Variants in USP4 observed in about 807,000 individuals in gnomAD.
USP4 encodes the protein ubiquitin specific peptidase 4, also known as ubiquitin carboxyl-terminal hydrolase 4.
A neutral mutation model predicts 118.2 loss-of-function variants in USP4; 72 were observed. The observed-to-expected ratio is 0.61, with a 90% CI of 0.50 to 0.74. The LOEUF (loss-of-function observed/expected upper bound fraction) is 0.74, where lower values mean the gene tolerates loss of function less well. Ranked by LOEUF, USP4 falls within the 30% of genes least tolerant of loss-of-function variation. USP4 has a pLI of 0.00. For missense variants in USP4, 1,037 were observed against 1,185.7 expected, an observed-to-expected ratio of 0.87 and a Z score of 1.84; for synonymous variants, 415 against 440.4, an observed-to-expected ratio of 0.94 and a Z score of 0.72.
At chr3:49,314,898 C>T (rs1419900840) in intron 6 of USP4, among the ~76,000 whole-genome samples, 4 of 151,914 alleles carry the variant, frequency 2.6e-5, no homozygotes, top group Non-Finnish European at 5.9e-5. Context: ...AAAATCCATA[C>T]AAATCATTTG....
chr3:49,302,916 G>A (rs2047275927), intron 9 of USP4, among the ~76,000 whole-genome samples: 1 of 152,138 alleles, frequency 6.6e-6, no homozygotes, highest in Admixed American at 6.6e-5. Context: ...ATCAGCTGGA[G>A]GAATCCTCCT....
chr3:49,323,271 T>TA lies in USP4; in HGVS notation c.695+1430dup, dbSNP rs1173500243. Among the ~76,000 whole-genome samples the TA allele has an allele frequency of 6.9e-3, 698 of 101,198 alleles. 5 individuals are homozygous for TA. The highest frequency in any genetic ancestry group is 0.026 in the East Asian group (90 of 3,518). 66.4% of individuals were successfully genotyped at this position (101,198 alleles called of 152,430 possible). A position where few individuals can be genotyped will look rare whatever the true frequency, so the allele number is the denominator to read the frequency against. Reference sequence around the variant, plus strand: ...CATGAGCCACTGCTCCTGGCCTTTTTAAAAAAAAAAAAAAAAAAAAAAAAA... The same window carrying TA: ...CATGAGCCACTGCTCCTGGCCTTTTTAAAAAAAAAAAAAAAAAAAAAAAAAA... On this transcript the variant is annotated intron_variant, in intron 6 of 21. Coordinates refer to ENST00000265560, the MANE Select transcript of USP4 (RefSeq NM_003363.4).
chr3:49,326,482 C>T (rs1224978657), intron 3 of USP4, among the ~76,000 whole-genome samples: 1 of 152,076 alleles, frequency 6.6e-6, no homozygotes, highest in East Asian at 1.9e-4. Flanking sequence ...TTACAACCTG[C>T]ACCTCCTGGG....
chr3:49,302,421 T>C lies in USP4; in HGVS notation c.1250A>G (p.Tyr417Cys). 1 of 1,614,096 alleles carries C rather than the reference T, an allele frequency of 6.2e-7. No homozygotes were observed. Among genetic ancestry groups the C allele is most frequent in the Non-Finnish European group, 8.5e-7 (1 of 1,180,022 alleles). ...EDLNRVKKKP[Y>C]LELKDANGRP... is the part of the protein sequence containing the mutation. ...CCCATTGGCATCCTTCAGCTCCAAG[T>C]AGGGCTTTTTCTTTACCCGGTTCAG... The change falls in exon 10 of 22, where the codon TAC becomes TGC. Residue 417 changes from tyrosine (Y) to cysteine (C), a missense_variant. Tyr to Cys is a radical substitution (Grantham distance 194, BLOSUM62 -2). Transcript: ENST00000265560.
chr3:49,310,410 C>G (rs1004591075), intron 8 of USP4, among the ~76,000 whole-genome samples: 10 of 152,146 alleles, frequency 6.6e-5, no homozygotes, highest in Non-Finnish European at 1.5e-4. Context: ...AAACCAAACA[C>G]AGAGCTGACT....
At chr3:49,290,357 T>C (rs986515782) in intron 15 of USP4, among the ~76,000 whole-genome samples, 6 of 152,314 alleles carry the variant, frequency 3.9e-5, no homozygotes, top group Admixed American at 3.9e-4. Flanking sequence ...GAGGCTGCAG[T>C]AAGCCAAGAT....
In USP4 at chr3:49,310,709, A is replaced by G. The variant is rs757217401; in HGVS notation, c.865T>C (p.Cys289Arg). ...GGSGFSASYN[C>R]QEPPSSHIQP... ...ATATGAGAGGATGGTGGCTCCTGAC[A>G]ATTATACGAAGCAGAAAAGCCAGAT... Residue 289 changes from cysteine (C) to arginine (R), a missense_variant, in exon 8 of 22, where the codon TGT becomes CGT. Coordinates refer to ENST00000265560, the MANE Select transcript of USP4 (RefSeq NM_003363.4). 6.2e-7 allele frequency: 1 copy of G among 1,614,176 alleles called. No homozygotes were observed. The highest frequency in any genetic ancestry group is 1.7e-5 in the Admixed American group (1 of 59,996).
intron 15 of USP4, among the ~76,000 whole-genome samples, chr3:49,291,327 A>G (rs1272976285): frequency 1.3e-5 from 2 of 150,156 alleles, no homozygotes; most frequent in Non-Finnish European, 3.0e-5. Flanking sequence ...CTGTAATCCC[A>G]GCATTTTGGG....
At chr3:49,317,049 G>A in intron 6 of USP4, 4 of 1,003,348 alleles carry the variant, frequency 4.0e-6, no homozygotes, top group Non-Finnish European at 6.2e-6. Context: ...TGAGTTGAGG[G>A]GCGCACAGAG....
At position 49,318,593 on chromosome 3, in the gene USP4, T is replaced by A. The variant is rs149054204; in HGVS notation, c.695+6109A>T. 3 of 985,310 alleles carry A rather than the reference T, an allele frequency of 3.0e-6. No homozygotes were observed. In the East Asian group the frequency reaches 3.4e-4, roughly 112 times the overall value. The allele number at this position is 985,310 out of a possible 1,614,324, so 61.0% of individuals were successfully genotyped here. A position where few individuals can be genotyped will look rare whatever the true frequency, so the allele number is the denominator to read the frequency against. On this transcript the variant is annotated intron_variant, in intron 6 of 21. Coordinates refer to ENST00000265560, the MANE Select transcript of USP4 (RefSeq NM_003363.4). ...CCCAGAATTTACAAGGTGGTCCTCA[T>A]TAGTGAAAAAAAGACAATTAAATAT...
At chr3:49,317,421 C>T (rs1433466849) in intron 6 of USP4, 2 of 968,888 alleles carry the variant, frequency 2.1e-6, no homozygotes, top group Non-Finnish European at 3.3e-6. Flanking sequence ...ATTTGACCAG[C>T]TTGTTGTCGT....
At chr3:49,301,019 G>A (rs2047257933) in intron 10 of USP4, among the ~76,000 whole-genome samples, 1 of 152,084 alleles carries the variant, frequency 6.6e-6, no homozygotes, top group South Asian at 2.1e-4. Flanking sequence ...GTTCACTACA[G>A]CCTCAACCTC....
At chr3:49,301,734 C>T (rs776895929) in intron 10 of USP4, among the ~76,000 whole-genome samples, 1 of 152,036 alleles carries the variant, frequency 6.6e-6, no homozygotes, top group African/African-American at 2.4e-5. Context: ...TTTATCTATA[C>T]TACAGCTCAG....
In USP4 at chr3:49,339,982, T is replaced by C. The variant is rs948375925; in HGVS notation, c.43A>G (p.Thr15Ala). The C allele has an allele frequency of 1.2e-6, 2 of 1,612,004 alleles. No homozygotes were observed. The highest frequency in any genetic ancestry group is 1.7e-6 in the Non-Finnish European group (2 of 1,179,880). Residue 15 changes from threonine (T) to alanine (A), a missense_variant, in exon 1 of 22, where the codon ACT becomes GCT. Thr to Ala is a moderately conservative substitution (Grantham distance 58). Transcript: ENST00000265560. Reference protein sequence around the residue: ...GGCRERPDAETQKSELGPLMR... With the variant: ...GGCRERPDAEAQKSELGPLMR... ...AAGGGTCCAAGCTCGGACTTCTGAGTCTCCGCATCCGGTCGCTCACGGCAG... is the reference window on the plus strand; with the variant it reads ...AAGGGTCCAAGCTCGGACTTCTGAGCCTCCGCATCCGGTCGCTCACGGCAG...
chr3:49,330,712 G>A (rs1421540877), intron 2 of USP4, among the ~76,000 whole-genome samples: 1 of 152,028 alleles, frequency 6.6e-6, no homozygotes, highest in Non-Finnish European at 1.5e-5. Flanking sequence ...TTGGGAGGCT[G>A]GAGGCTGGAG....
chr3:49,317,458 G>T, intron 6 of USP4: 1 of 771,614 alleles, frequency 1.3e-6, no homozygotes. Flanking sequence ...GCCCTGCTGG[G>T]TCAACATCTC....
chr3:49,317,038 C>A, intron 6 of USP4: 1 of 930,820 alleles, frequency 1.1e-6, no homozygotes, highest in Non-Finnish European at 1.7e-6. Flanking sequence ...CTTGCTGGGG[C>A]TGAGTTGAGG....
chr3:49,320,334 C>G (rs1217284318), intron 6 of USP4, among the ~76,000 whole-genome samples: 1 of 152,112 alleles, frequency 6.6e-6, no homozygotes, highest in East Asian at 1.9e-4. Flanking sequence ...CCCAGCTACT[C>G]GAGAGGCTGA....
chr3:49,309,656 C>T (rs186251853), intron 8 of USP4, among the ~76,000 whole-genome samples: 1,959 of 82,232 alleles, frequency 0.024, 29 homozygotes, highest in Non-Finnish European at 0.032. Flanking sequence ...AACGGAGTTT[C>T]ACTCTTGTTG....
Sources: gnomAD v4.1 joint callset for allele counts (sites outside exome capture counted in the v4.1 genomes callset) on GRCh38, gnomAD v4.1.1 for gene constraint, MANE v1.5 for transcripts, NCBI Gene and HGNC (gene_info 2026-07-23, HGNC 2026-07-21) for gene names.